RANBP3L: variants seen among roughly 807,000 people sequenced by gnomAD.
The protein encoded by RANBP3L is RAN binding protein 3 like, also known as ran-binding protein 3-like.
RANBP3L carries 56 observed loss-of-function variants against 67.2 expected under a neutral mutation model. The observed-to-expected ratio is 0.83, with a 90% CI of 0.67 to 1.04. The LOEUF (loss-of-function observed/expected upper bound fraction) is 1.04. Ranked by LOEUF, RANBP3L falls within the 50% of genes least tolerant of loss-of-function variation. The pLI is 0.00. For missense variants in RANBP3L, 496 were observed against 535.5 expected (o/e 0.93, Z 0.73); for synonymous variants, 164 against 181.4 (o/e 0.90, Z 0.77).
intron 1 of RANBP3L, among the ~76,000 whole-genome samples, chr5:36,275,887 C>T (rs1379474961): frequency 6.6e-6 from 1 of 151,940 alleles, no homozygotes; most frequent in Non-Finnish European, 1.5e-5. Flanking sequence ...TCCTGTTTTT[C>T]CAGAAAAGCC....
intron 8 of RANBP3L, among the ~76,000 whole-genome samples, chr5:36,259,239 T>TC (rs200504651): frequency 0.022 from 3,317 of 152,282 alleles, 158 homozygotes; most frequent in South Asian, 0.2. Flanking sequence ...ACAGAAGGGT[T>TC]CCTAAATAAA....
At chr5:36,274,667 G>GA (rs1352899814) in intron 1 of RANBP3L, among the ~76,000 whole-genome samples, 1 of 152,098 alleles carries the variant, frequency 6.6e-6, no homozygotes, top group Non-Finnish European at 1.5e-5. Context: ...TTTATTCCAA[G>GA]AAAAATGGGA....
intron 1 of RANBP3L, among the ~76,000 whole-genome samples, chr5:36,285,498 G>T (rs1751258330): frequency 6.6e-6 from 1 of 152,178 alleles, no homozygotes; most frequent in African/African-American, 2.4e-5. Flanking sequence ...CACAGGATCA[G>T]CCTCCTGAAT....
At chr5:36,301,272 T>G (rs884693) in intron 1 of RANBP3L, 54 bp downstream of exon 1, 20 of 1,332,722 alleles carry the variant, frequency 1.5e-5, no homozygotes, top group Non-Finnish European at 2.1e-5. Flanking sequence ...CTTCCTGGAA[T>G]GCAAATGCAC....
intron 1 of RANBP3L, among the ~76,000 whole-genome samples, chr5:36,293,412 G>T (rs1751950382): frequency 6.7e-6 from 1 of 149,496 alleles, no homozygotes; most frequent in Admixed American, 6.7e-5. Context: ...CTGCCTAATT[G>T]CCCTGGTCAG....
intron 4 of RANBP3L, among the ~76,000 whole-genome samples, chr5:36,268,553 G>A (rs1749973274): frequency 6.6e-6 from 1 of 152,096 alleles, no homozygotes; most frequent in African/African-American, 2.4e-5. Flanking sequence ...CATAGATGCT[G>A]TATTACAAGG....
Position 36,253,713 on chromosome 5 carries a change from GT to G in RANBP3L, c.1100del (p.Asn367ThrfsTer7), listed in dbSNP as rs1179890682. Reference sequence around the variant, plus strand: ...TAGCTGTTATTCGTACATTTTTGTGGTTTGCTCTTTGAATCTTCATTTGGGC... The same window carrying G: ...TAGCTGTTATTCGTACATTTTTGTGGTTGCTCTTTGAATCTTCATTTGGGC... The part of the protein sequence containing the change: ...LWAQMKIQRA[N>X]HKNVRITATD... On this transcript the variant is annotated frameshift_variant, in exon 12 of 14. Transcript: ENST00000296604. LOFTEE classifies it high-confidence loss of function. 6.2e-7 allele frequency: 1 copy of G among 1,612,448 alleles called. No individual in the cohort carries two copies. Among genetic ancestry groups the G allele is most frequent in the Non-Finnish European group, 8.5e-7 (1 of 1,178,698 alleles).
intron 1 of RANBP3L, among the ~76,000 whole-genome samples, chr5:36,297,405 GT>G (rs1225020596): frequency 2.1e-5 from 3 of 144,870 alleles, no homozygotes; most frequent in Non-Finnish European, 4.5e-5. Flanking sequence ...TCAAATTTGT[GT>G]TGTTCAGGAG....
At chr5:36,300,825 T>A (rs1752559643) in intron 1 of RANBP3L, among the ~76,000 whole-genome samples, 1 of 152,154 alleles carries the variant, frequency 6.6e-6, no homozygotes, top group South Asian at 2.1e-4. Flanking sequence ...AATGTGACAC[T>A]TTTCCCTGAC....
chr5:36,300,095 T>C (rs1442764633), intron 1 of RANBP3L, among the ~76,000 whole-genome samples: 1 of 152,204 alleles, frequency 6.6e-6, no homozygotes, highest in Non-Finnish European at 1.5e-5. Flanking sequence ...GAAGTCACTT[T>C]AACATTTCAT....
At chr5:36,275,311 T>A (rs914713215) in intron 1 of RANBP3L, among the ~76,000 whole-genome samples, 1 of 152,218 alleles carries the variant, frequency 6.6e-6, no homozygotes, top group Non-Finnish European at 1.5e-5. Flanking sequence ...AACTAAGGCT[T>A]GGTTTAGTGC....
chr5:36,280,239 G>C lies in RANBP3L; in HGVS notation c.92-8928C>G, dbSNP rs1024100974. On this transcript the variant is annotated intron_variant, in intron 1 of 13. Coordinates refer to ENST00000296604, the MANE Select transcript of RANBP3L (RefSeq NM_145000.5). ...GAACAAGAGGCAAGAAGACTCATAG[G>C]TTGTATCAAACACAGACCTGCTACC... 9.2e-5 allele frequency among the ~76,000 whole-genome samples: 14 copies of C among 152,250 alleles called. No homozygotes were observed. The South Asian group carries it at 1.9e-3, about 20-fold the overall frequency.
chr5:36,296,702 G>T (rs1026648913), intron 1 of RANBP3L, among the ~76,000 whole-genome samples: 1 of 152,108 alleles, frequency 6.6e-6, no homozygotes, highest in African/African-American at 2.4e-5. Context: ...GCTGTTCCAT[G>T]ATACCCAGAT....
At chr5:36,290,506 C>T (rs572011398) in intron 1 of RANBP3L, among the ~76,000 whole-genome samples, 22 of 152,078 alleles carry the variant, frequency 1.4e-4, no homozygotes, top group African/African-American at 4.1e-4. Flanking sequence ...TGTGAGCCAC[C>T]GCACCCGGCC....
At chr5:36,281,117 A>G (rs529168103) in intron 1 of RANBP3L, among the ~76,000 whole-genome samples, 121 of 152,328 alleles carry the variant, frequency 7.9e-4, no homozygotes, top group African/African-American at 2.9e-3. Flanking sequence ...CTTTGGAGAA[A>G]AACAGACTGG....
At chr5:36,264,915 A>G in intron 6 of RANBP3L, 44 bp downstream of exon 6, 1 of 1,566,596 alleles carries the variant, frequency 6.4e-7, no homozygotes. Flanking sequence ...GCAAAAAGAA[A>G]GATGAGGGAT....
intron 10 of RANBP3L, 60 bp downstream of exon 10, chr5:36,256,881 T>C (rs771463315): frequency 1.4e-6 from 2 of 1,481,230 alleles, no homozygotes; most frequent in African/African-American, 1.4e-5. Context: ...CCTCTTCTCA[T>C]GTTAACTTTA....
chr5:36,301,581 C>A lies in RANBP3L; in HGVS notation c.-165G>T. ...CTCTACTAAACTTCCAAGCTTTTTC[C>A]AGTCATGATTCTTGAAATAAATAAT... On this transcript the variant is annotated 5_prime_UTR_variant, in exon 1 of 14. The change creates a premature stop within an existing upstream ORF in the 5' untranslated region. Coordinates refer to ENST00000296604, the MANE Select transcript of RANBP3L (RefSeq NM_145000.5). 2.0e-6 allele frequency: 1 copy of A among 493,858 alleles called. No homozygotes were observed. Among genetic ancestry groups the A allele is most frequent in the East Asian group, 2.9e-5 (1 of 33,984 alleles). 30.6% of individuals were successfully genotyped at this position (493,858 alleles called of 1,614,324 possible).
chr5:36,254,270 C>T (rs1470985969), intron 11 of RANBP3L, among the ~76,000 whole-genome samples: 1 of 151,880 alleles, frequency 6.6e-6, no homozygotes, highest in African/African-American at 2.4e-5. Context: ...GCAAAATAAA[C>T]ACCATGAATC....
Sources: allele counts gnomAD v4.1 joint callset (sites outside exome capture counted in the v4.1 genomes callset), GRCh38; gene constraint gnomAD v4.1.1; transcripts MANE v1.5; gene names NCBI Gene and HGNC (gene_info 2026-07-23, HGNC 2026-07-21).